The following CYRIB variants were observed in gnomAD, a reference collection of about 807,000 sequenced individuals.
The protein encoded by CYRIB is CYFIP-related Rac1 interactor B.
CYRIB carries 8 observed loss-of-function variants against 44.2 expected under a neutral mutation model. The ratio of observed to expected loss-of-function variants is 0.18; its 90% CI spans 0.11 to 0.33. The LOEUF is 0.33. Ranked by LOEUF, CYRIB falls within the 10% of genes least tolerant of loss-of-function variation. The pLI, the probability that CYRIB is intolerant of heterozygous loss-of-function variation, is 1.00. For synonymous variants in CYRIB, 131 were observed against 127.2 expected (o/e 1.03, Z -0.20); for missense variants, 185 against 382.8 (o/e 0.48, Z 4.31).
At chr8:129,849,413 A>G in intron 9 of CYRIB, 44 bp from the exon 12 acceptor site, 2 of 1,559,906 alleles carry the variant, frequency 1.3e-6, no homozygotes, top group Admixed American at 4.3e-5. Flanking sequence ...GCATTACAAA[A>G]TTCTTTTTAA....
intron 1 of CYRIB, among the ~76,000 whole-genome samples, chr8:129,921,310 T>C (rs1035068507): frequency 3.9e-5 from 6 of 152,214 alleles, no homozygotes; most frequent in Non-Finnish European, 7.3e-5. Flanking sequence ...ACAGGAAGGT[T>C]TTCTTCTTCC....
chr8:129,868,627 C>CT (rs2055177075), intron 4 of CYRIB: 1 of 152,050 alleles, frequency 6.6e-6, no homozygotes, highest in Non-Finnish European at 1.5e-5. Flanking sequence ...TACTGAGTGA[C>CT]TACGGTATCC....
intron 4 of CYRIB, 69 bp from the exon 7 acceptor site, chr8:129,862,403 G>C (rs1158976887): frequency 1.7e-6 from 2 of 1,198,720 alleles, no homozygotes; most frequent in Non-Finnish European, 2.4e-6. Context: ...ACATTAAAAT[G>C]TAGGCTTTAG....
At chr8:129,863,511 C>T (rs547762621) in intron 4 of CYRIB, among the ~76,000 whole-genome samples, 13 of 148,306 alleles carry the variant, frequency 8.8e-5, no homozygotes, top group Admixed American at 2.7e-4. Context: ...GGTGATAGAG[C>T]GAGACTCTGT....
In CYRIB at chr8:129,849,199, T is replaced by C. The variant is rs191008078; in HGVS notation, c.840+44A>G. On this transcript the variant is annotated intron_variant, in intron 10 of 11. Transcript: ENST00000519824. ...ATAAAATAAAATCCTATGGTTTCCA[T>C]GGAGAAACTCGTTTGAAATTATTTA... 1.1e-3 allele frequency: 1,751 copies of C among 1,530,910 alleles called. 6 individuals are homozygous for C. Among genetic ancestry groups the C allele is most frequent in the South Asian group, 3.3e-3 (261 of 78,986 alleles). 94.8% of individuals were successfully genotyped at this position (1,530,910 alleles called of 1,614,324 possible). A position where few individuals can be genotyped will look rare whatever the true frequency, so the allele number is the denominator to read the frequency against.
intron 1 of CYRIB, among the ~76,000 whole-genome samples, chr8:129,982,611 C>A (rs2096279367): frequency 6.6e-6 from 1 of 152,188 alleles, no homozygotes; most frequent in African/African-American, 2.4e-5. Flanking sequence ...GTAATCCTCA[C>A]AAACTTACTT....
At chr8:129,995,413 C>T (rs1436202584) in intron 1 of CYRIB, among the ~76,000 whole-genome samples, 1 of 152,232 alleles carries the variant, frequency 6.6e-6, no homozygotes. Flanking sequence ...AAGGTCATTT[C>T]CAGAAACATC....
intron 2 of CYRIB, among the ~76,000 whole-genome samples, chr8:129,887,941 T>C (rs1408840836): frequency 6.6e-6 from 1 of 152,200 alleles, no homozygotes; most frequent in Non-Finnish European, 1.5e-5. Context: ...AGGTGAGACT[T>C]TGGACTGTGG....
intron 7 of CYRIB, among the ~76,000 whole-genome samples, chr8:129,853,163 T>C (rs1039535603): frequency 1.3e-5 from 2 of 152,182 alleles, no homozygotes; most frequent in African/African-American, 2.4e-5. Flanking sequence ...CCTGTAATTA[T>C]TGAGGGTAAA....
At chr8:129,850,683 A>G in intron 9 of CYRIB, 152 bp downstream of exon 11, 1 of 665,330 alleles carries the variant, frequency 1.5e-6, no homozygotes, top group East Asian at 2.8e-5. Context: ...AATTATTTTA[A>G]GTTTGTTCAT....
intron 4 of CYRIB, among the ~76,000 whole-genome samples, chr8:129,870,301 T>C (rs1475052860): frequency 6.6e-6 from 1 of 152,192 alleles, no homozygotes; most frequent in Non-Finnish European, 1.5e-5. Context: ...TGCCAGCTAC[T>C]TGGGCGACTG....
intron 2 of CYRIB, among the ~76,000 whole-genome samples, chr8:129,958,072 G>A (rs565046779): frequency 3.3e-5 from 5 of 152,172 alleles, no homozygotes; most frequent in Admixed American, 1.3e-4. Flanking sequence ...AATGAGAATC[G>A]CTTGAACCCG....
At chr8:129,903,480 A>G (rs1022034202) in intron 1 of CYRIB, 130 bp from the exon 4 acceptor site, 4 of 152,438 alleles carry the variant, frequency 2.6e-5, no homozygotes, top group Non-Finnish European at 4.4e-5. Flanking sequence ...ATACACACAT[A>G]TATTTATTTA....
chr8:129,901,845 T>C (rs1463580320), intron 2 of CYRIB: 3 of 152,264 alleles, frequency 2.0e-5, no homozygotes, highest in Admixed American at 1.3e-4. Context: ...TTACTCCTAA[T>C]GCTTATTCTC....
chr8:129,976,414 CTG>C (rs1369187841), intron 1 of CYRIB, among the ~76,000 whole-genome samples: 1 of 152,168 alleles, frequency 6.6e-6, no homozygotes, highest in African/African-American at 2.4e-5. Flanking sequence ...CTAAACTAGA[CTG>C]AAATTTATTT....
intron 2 of CYRIB, among the ~76,000 whole-genome samples, chr8:129,882,001 A>T (rs1165521166): frequency 6.6e-6 from 1 of 152,250 alleles, no homozygotes; most frequent in East Asian, 1.9e-4. Context: ...CATATTTCAC[A>T]GCTTTAATTT....
At chr8:129,911,811 T>C (rs2078193729) in intron 1 of CYRIB, among the ~76,000 whole-genome samples, 4 of 152,246 alleles carry the variant, frequency 2.6e-5, no homozygotes. Flanking sequence ...TTCTTACTTC[T>C]GGATCTCCTG....
At chr8:129,970,419 CT>C (rs1024468466) in intron 2 of CYRIB, 1,670 of 133,652 alleles carry the variant, frequency 0.012, 20 homozygotes, top group East Asian at 0.08. Flanking sequence ...CACTGACTTT[CT>C]TTTTTTTTTT....
At chr8:129,901,738 G>A (rs767061647) in intron 2 of CYRIB, 1 of 152,074 alleles carries the variant, frequency 6.6e-6, no homozygotes, top group East Asian at 1.9e-4. Context: ...AGTAGTATTA[G>A]AAAACCTATG....
Sources: gnomAD v4.1 joint callset for allele counts (sites outside exome capture counted in the v4.1 genomes callset) on GRCh38, gnomAD v4.1.1 for gene constraint, MANE v1.5 for transcripts, NCBI Gene and HGNC (gene_info 2026-07-23, HGNC 2026-07-21) for gene names.